SMYD1: variants seen among roughly 807,000 people sequenced by gnomAD.
SMYD1 encodes the protein SET and MYND domain containing 1.
SMYD1 carries 49 observed loss-of-function variants against 54.0 expected under a neutral mutation model. The ratio of observed to expected loss-of-function variants is 0.91; its 90% CI spans 0.72 to 1.15. The LOEUF (loss-of-function observed/expected upper bound fraction) is 1.15, where lower values mean the gene tolerates loss of function less well. SMYD1 is among the 50% of genes most tolerant of loss of function. The pLI, the probability that SMYD1 is intolerant of heterozygous loss-of-function variation, is 0.00. For missense variants in SMYD1, 653 were observed against 639.6 expected (o/e 1.02, Z -0.23); for synonymous variants, 269 against 234.2 (o/e 1.15, Z -1.36).
In SMYD1 at chr2:88,112,144, A is replaced by T; in HGVS notation, c.*1632A>T. On this transcript the variant is annotated 3_prime_UTR_variant, in exon 10 of 10. Transcript: ENST00000419482. ...ATAGTCTTTCAAGCCCCCACATCAC[A>T]GGCTTAGGGACGGCACTAACTTTCT... The T allele has an allele frequency of 1.4e-6, 1 of 703,416 alleles. No individual in the cohort carries two copies. The highest frequency in any genetic ancestry group is 1.5e-5 in the South Asian group (1 of 67,596). 43.6% of individuals were successfully genotyped at this position (703,416 alleles called of 1,614,324 possible). A position where few individuals can be genotyped will look rare whatever the true frequency, so the allele number is the denominator to read the frequency against.
chr2:88,087,984 A>G lies in SMYD1; in HGVS notation c.437A>G (p.Asp146Gly). 6.2e-7 allele frequency: 1 copy of G among 1,614,140 alleles called. No individual in the cohort carries two copies. Among genetic ancestry groups the G allele is most frequent in the African/African-American group, 1.3e-5 (1 of 75,040 alleles). The part of the protein sequence containing the change: ...VEHFGEEEQK[D>G]LRVDVDTFLQ... ...CACTTTGGGGAGGAGGAGCAGAAGGACCTGCGGGTGGACGTGGACACATTC... is the reference window on the plus strand; with the variant it reads ...CACTTTGGGGAGGAGGAGCAGAAGGGCCTGCGGGTGGACGTGGACACATTC... The change falls in exon 3 of 10, where the codon GAC becomes GGC. Residue 146 changes from aspartate (D) to glycine (G), a missense_variant. Transcript: ENST00000419482.
In SMYD1 at chr2:88,112,285, C is replaced by A; in HGVS notation, c.*1773C>A. 1 of 627,994 alleles carries A rather than the reference C, an allele frequency of 1.6e-6. No individual in the cohort carries two copies. The allele number at this position is 627,994 out of a possible 1,614,324, so 38.9% of individuals were successfully genotyped here. On this transcript the variant is annotated 3_prime_UTR_variant, in exon 10 of 10. Coordinates refer to ENST00000419482, the MANE Select transcript of SMYD1 (RefSeq NM_198274.4). ...TTATCTGCTAAGCCCCTGGTCATTT[C>A]CCCATATTCGTAGTCTTTTTTTCCA...
intron 1 of SMYD1, among the ~76,000 whole-genome samples, chr2:88,078,046 G>A (rs934755894): frequency 6.6e-6 from 1 of 152,158 alleles, no homozygotes; most frequent in African/African-American, 2.4e-5. Flanking sequence ...TTCTGTCAGG[G>A]GAGTGCCCTT....
At chr2:88,080,338 T>C (rs553121341) in intron 1 of SMYD1, among the ~76,000 whole-genome samples, 1 of 152,158 alleles carries the variant, frequency 6.6e-6, no homozygotes, top group African/African-American at 2.4e-5. Flanking sequence ...TGAAGTGTAA[T>C]GTTTTTGTTT....
intron 3 of SMYD1, 53 bp from the exon 4 acceptor site, chr2:88,090,959 T>A: frequency 1.3e-6 from 2 of 1,570,312 alleles, no homozygotes. Context: ...ACAGCTAGGA[T>A]GTTGTTCTGT....
chr2:88,086,900 T>C (rs1290508745), intron 2 of SMYD1, among the ~76,000 whole-genome samples: 4 of 150,778 alleles, frequency 2.7e-5, no homozygotes, highest in Non-Finnish European at 5.9e-5. Context: ...TAGTTACATA[T>C]GTATACATGT....
chr2:88,110,200 A>AGAGT (rs139694354), intron 9 of SMYD1, among the ~76,000 whole-genome samples, 154 bp from the exon 10 acceptor site: 22,259 of 138,978 alleles, frequency 0.16, 2,300 homozygotes, highest in East Asian at 0.45. Context: ...TTGATGAATG[A>AGAGT]GTGTGTGTGT....
intron 6 of SMYD1, 89 bp from the exon 7 acceptor site, chr2:88,102,969 A>T: frequency 2.1e-6 from 2 of 968,964 alleles, no homozygotes; most frequent in Non-Finnish European, 1.6e-6. Context: ...ACCTTGTGCT[A>T]CATTGAATGT....
At chr2:88,100,742 G>A (rs912650371) in intron 6 of SMYD1, among the ~76,000 whole-genome samples, 57 of 152,314 alleles carry the variant, frequency 3.7e-4, no homozygotes, top group African/African-American at 1.3e-3. Context: ...GCACAAGGCA[G>A]CAGCTGGTAG....
At chr2:88,101,791 A>G (rs1297370864) in intron 6 of SMYD1, among the ~76,000 whole-genome samples, 1 of 152,078 alleles carries the variant, frequency 6.6e-6, no homozygotes, top group Non-Finnish European at 1.5e-5. Context: ...TTTGTAGTAG[A>G]GCTTGGATTT....
rs924810971 is a variant in SMYD1 at position 88,110,704 on chromosome 2, T to C, written c.*192T>C. 6.7e-6 allele frequency: 4 copies of C among 601,160 alleles called. No individual in the cohort carries two copies. Among genetic ancestry groups the C allele is most frequent in the Non-Finnish European group, 1.1e-5 (4 of 370,388 alleles). 37.2% of individuals were successfully genotyped at this position (601,160 alleles called of 1,614,324 possible). ...AAGTCTATTCAATTCAAGTTAACTCTAGCCCAGCCCAGATCAACTCCTCCT... is the reference window on the plus strand; with the variant it reads ...AAGTCTATTCAATTCAAGTTAACTCCAGCCCAGCCCAGATCAACTCCTCCT... On this transcript the variant is annotated 3_prime_UTR_variant, in exon 10 of 10. Transcript: ENST00000419482.
At chr2:88,069,260 G>C (rs1673897096) in intron 1 of SMYD1, among the ~76,000 whole-genome samples, 1 of 152,116 alleles carries the variant, frequency 6.6e-6, no homozygotes, top group Non-Finnish European at 1.5e-5. Context: ...CTGGGAAAGG[G>C]CACTGCTTCC....
chr2:88,096,534 G>A lies in SMYD1; in HGVS notation c.699-61G>A. On this transcript the variant is annotated intron_variant, in intron 5 of 9. Transcript: ENST00000419482. ...ACCCAACTCCATGAAGCCTTGGAGA[G>A]CACGGATCCCATTCCAGTAGGCCTG... The A allele has an allele frequency of 5.5e-6, 8 of 1,449,226 alleles. No individual in the cohort carries two copies. In the South Asian group the frequency reaches 1.0e-4, roughly 19 times the overall value. The allele number at this position is 1,449,226 out of a possible 1,614,324, so 89.8% of individuals were successfully genotyped here.
chr2:88,088,879 C>G (rs1191307537), intron 3 of SMYD1, among the ~76,000 whole-genome samples: 2 of 152,010 alleles, frequency 1.3e-5, no homozygotes, highest in Admixed American at 1.3e-4. Flanking sequence ...GGCGAGAACC[C>G]GGTGGATGAG....
At chr2:88,087,716 A>G in intron 2 of SMYD1, 146 bp from the exon 3 acceptor site, 1 of 711,536 alleles carries the variant, frequency 1.4e-6, no homozygotes, top group Non-Finnish European at 2.3e-6. Flanking sequence ...TATATGAAGC[A>G]TCATGATAGA....
At position 88,110,805 on chromosome 2, in the gene SMYD1, T is replaced by C. The variant is rs2104021372; in HGVS notation, c.*293T>C. 3.0e-6 allele frequency: 1 copy of C among 330,144 alleles called. No individual in the cohort carries two copies. Among genetic ancestry groups the C allele is most frequent in the East Asian group, 5.7e-5 (1 of 17,590 alleles). The allele number at this position is 330,144 out of a possible 1,614,324, so 20.5% of individuals were successfully genotyped here. A position where few individuals can be genotyped will look rare whatever the true frequency, so the allele number is the denominator to read the frequency against. ...TGTCGTTGGGTGGGGAAGCAAAATG[T>C]AGAGAAACATTTAAAGCACACTGTA... is the stretch of plus-strand genomic sequence containing the variant. On this transcript the variant is annotated 3_prime_UTR_variant, in exon 10 of 10. Coordinates refer to ENST00000419482, the MANE Select transcript of SMYD1 (RefSeq NM_198274.4).
intron 4 of SMYD1, 49 bp downstream of exon 4, chr2:88,091,191 T>C (rs1477993150): frequency 1.3e-6 from 2 of 1,573,604 alleles, no homozygotes; most frequent in Admixed American, 1.8e-5. Flanking sequence ...TGGGGAGACC[T>C]ATGGTGTTTT....
intron 8 of SMYD1, among the ~76,000 whole-genome samples, chr2:88,107,712 G>A (rs999395684): frequency 1.1e-4 from 16 of 152,302 alleles, no homozygotes; most frequent in South Asian, 6.2e-4. Flanking sequence ...AGCAATGAGC[G>A]AGGCTCCATG....
At chr2:88,100,010 C>G (rs1425369876) in intron 6 of SMYD1, among the ~76,000 whole-genome samples, 1 of 150,226 alleles carries the variant, frequency 6.7e-6, no homozygotes, top group African/African-American at 2.5e-5. Flanking sequence ...CCTCCCCCAG[C>G]CCCTCAGATC....
Sources: gnomAD v4.1 joint callset for allele counts (sites outside exome capture counted in the v4.1 genomes callset) on GRCh38, gnomAD v4.1.1 for gene constraint, MANE v1.5 for transcripts, NCBI Gene and HGNC (gene_info 2026-07-23, HGNC 2026-07-21) for gene names.